NELL1: variants seen among roughly 807,000 people sequenced by gnomAD.
NELL1 encodes the protein neural EGFL like 1.
Under a neutral mutation model 107.4 loss-of-function variants are expected in NELL1, and 76 were observed. That is an observed-to-expected ratio of 0.71 (90% confidence interval 0.59 to 0.86). The LOEUF (loss-of-function observed/expected upper bound fraction) is 0.86. Ranked by LOEUF, NELL1 falls within the 40% of genes least tolerant of loss-of-function variation. The probability of loss-of-function intolerance (pLI) is 0.00; values close to 1 mark genes in which losing one functional copy is unlikely to be tolerated. For synonymous variants in NELL1, 353 were observed against 341.2 expected (o/e 1.03, Z -0.38); for missense variants, 1,024 against 1,005.5 (o/e 1.02, Z -0.25).
chr11:21,377,255 G>A (rs1851502527), intron 15 of NELL1, among the ~76,000 whole-genome samples: 1 of 152,074 alleles, frequency 6.6e-6, no homozygotes, highest in Non-Finnish European at 1.5e-5. Context: ...TCATCATGAA[G>A]AGATATTGGA....
intron 15 of NELL1, among the ~76,000 whole-genome samples, chr11:21,445,161 T>C (rs1224767536): frequency 6.6e-6 from 1 of 152,212 alleles, no homozygotes; most frequent in Non-Finnish European, 1.5e-5. Context: ...TATTATTTTA[T>C]AGGTTCATGT....
intron 16 of NELL1, among the ~76,000 whole-genome samples, chr11:21,546,327 A>C (rs1856441457): frequency 6.6e-6 from 1 of 151,924 alleles, no homozygotes; most frequent in Admixed American, 6.6e-5. Flanking sequence ...GCTCAGTGTG[A>C]GCAATTGTTT....
intron 4 of NELL1, among the ~76,000 whole-genome samples, chr11:20,877,723 C>T (rs1344796193): frequency 1.3e-5 from 2 of 152,180 alleles, no homozygotes; most frequent in South Asian, 4.1e-4. Flanking sequence ...CTTGTCCTCT[C>T]AAGCAGGTTT....
chr11:21,069,037 A>C (rs1853947632), intron 12 of NELL1, among the ~76,000 whole-genome samples: 2 of 152,166 alleles, frequency 1.3e-5, no homozygotes. Flanking sequence ...ACTGCTTTTC[A>C]TTCAGAATTT....
intron 18 of NELL1, among the ~76,000 whole-genome samples, chr11:21,571,658 A>G (rs961812128): frequency 6.6e-6 from 1 of 151,900 alleles, no homozygotes; most frequent in African/African-American, 2.4e-5. Context: ...ATAAATATTA[A>G]TATAGGGCTA....
intron 2 of NELL1, among the ~76,000 whole-genome samples, chr11:20,746,616 G>A (rs1856010624): frequency 6.6e-6 from 1 of 150,468 alleles, no homozygotes; most frequent in African/African-American, 2.5e-5. Flanking sequence ...ACGTGGAATT[G>A]AACATTGCCC....
At position 21,057,243 on chromosome 11, in the gene NELL1, C is replaced by A. The variant is rs193267976; in HGVS notation, c.1301-56346C>A. Among the ~76,000 whole-genome samples the A allele has an allele frequency of 5.3e-4, 81 of 152,092 alleles. 1 individual carries two copies. Among genetic ancestry groups the A allele is most frequent in the African/African-American group, 1.9e-3 (79 of 41,514 alleles). The stretch of plus-strand genomic sequence containing the variant: ...AAAACTGTTAAATTTCTCTGCTAAT[C>A]AAATATATGCAAACTAAAATGATTA... On this transcript the variant is annotated intron_variant, in intron 12 of 19. Transcript: ENST00000357134.
intron 13 of NELL1, among the ~76,000 whole-genome samples, chr11:21,187,858 AC>A (rs1487126373): frequency 6.6e-6 from 1 of 151,942 alleles, no homozygotes; most frequent in Admixed American, 6.5e-5. Flanking sequence ...ACAAAAATAA[AC>A]AAATAAGGAT....
In NELL1 at chr11:21,036,988, C is replaced by T. The variant is rs78340306; in HGVS notation, c.1300+76428C>T. On this transcript the variant is annotated intron_variant, in intron 12 of 19. Transcript: ENST00000357134. ...ACTTTCACTCATAGTGTCTTTTTTTCTTATTCATCTAGTAGTAATTTTGGA... is the reference window on the plus strand; with the variant it reads ...ACTTTCACTCATAGTGTCTTTTTTTTTTATTCATCTAGTAGTAATTTTGGA... Among the ~76,000 whole-genome samples, 39 of 151,296 alleles carry T rather than the reference C, an allele frequency of 2.6e-4. 2 individuals carry two copies. In the South Asian group the frequency reaches 8.1e-3, roughly 32 times the overall value.
Position 21,155,993 on chromosome 11 carries a change from C to T in NELL1, c.1426+42279C>T, listed in dbSNP as rs911495725. Among the ~76,000 whole-genome samples the T allele has an allele frequency of 3.3e-5, 5 of 152,108 alleles. No homozygotes were observed. The South Asian group carries it at 1.0e-3, about 32-fold the overall frequency. Reference sequence around the variant, plus strand: ...GGTCTTGAATAAAACAGGACTTTTTCACCCTAGGAGTCATAATGAAGTAGG... The same window carrying T: ...GGTCTTGAATAAAACAGGACTTTTTTACCCTAGGAGTCATAATGAAGTAGG... On this transcript the variant is annotated intron_variant, in intron 13 of 19. Transcript: ENST00000357134.
chr11:21,163,326 T>C (rs1856413382), intron 13 of NELL1, among the ~76,000 whole-genome samples: 1 of 152,146 alleles, frequency 6.6e-6, no homozygotes, highest in East Asian at 1.9e-4. Context: ...TTGTTGAGAA[T>C]GGGTGGAGCA....
At chr11:20,679,510 A>G (rs1041153063) in intron 2 of NELL1, among the ~76,000 whole-genome samples, 1 of 152,242 alleles carries the variant, frequency 6.6e-6, no homozygotes, top group African/African-American at 2.4e-5. Context: ...AATTATATGT[A>G]ACAAGACTAT....
At chr11:21,177,069 TATCATCTCGCATACGTATCCC>T (rs1455724799) in intron 13 of NELL1, among the ~76,000 whole-genome samples, 1 of 151,882 alleles carries the variant, frequency 6.6e-6, no homozygotes, top group African/African-American at 2.4e-5. Flanking sequence ...TTAACATATC[TATCATCTCGCATACGTATCCC>T]TTCTTTGTGG....
At chr11:20,852,888 A>G (rs953916745) in intron 4 of NELL1, among the ~76,000 whole-genome samples, 2 of 152,230 alleles carry the variant, frequency 1.3e-5, no homozygotes, top group African/African-American at 4.8e-5. Flanking sequence ...AATTTAAGTA[A>G]CAGCACAAGG....
intron 15 of NELL1, among the ~76,000 whole-genome samples, chr11:21,385,408 G>A (rs1851720430): frequency 6.6e-6 from 1 of 151,892 alleles, no homozygotes; most frequent in Admixed American, 6.6e-5. Context: ...AAAAAATATT[G>A]TCGTCAATCA....
intron 13 of NELL1, among the ~76,000 whole-genome samples, chr11:21,179,565 A>C (rs966031389): frequency 6.6e-6 from 1 of 151,912 alleles, no homozygotes; most frequent in Non-Finnish European, 1.5e-5. Flanking sequence ...AATATATAAA[A>C]ACACATTTTA....
intron 2 of NELL1, among the ~76,000 whole-genome samples, chr11:20,725,495 GA>G (rs1855488645): frequency 6.6e-6 from 1 of 152,158 alleles, no homozygotes; most frequent in Admixed American, 6.5e-5. Context: ...ATCACCGTGG[GA>G]ATTGTGTAAG....
intron 12 of NELL1, among the ~76,000 whole-genome samples, chr11:21,073,113 A>G (rs1189094228): frequency 6.6e-6 from 1 of 152,134 alleles, no homozygotes; most frequent in Non-Finnish European, 1.5e-5. Context: ...GTCTTGGAAT[A>G]GAGCCTCTCA....
Position 20,960,485 on chromosome 11 carries a change from AAC to A in NELL1, c.1226_1227del (p.Asn409MetfsTer8). 6.2e-7 allele frequency: 1 copy of A among 1,613,994 alleles called. No homozygotes were observed. Among genetic ancestry groups the A allele is most frequent in the South Asian group, 1.1e-5 (1 of 91,066 alleles). On this transcript the variant is annotated frameshift_variant, in exon 12 of 20. Coordinates refer to ENST00000357134, the MANE Select transcript of NELL1 (RefSeq NM_006157.5). LOFTEE classifies it high-confidence loss of function. ...ATGTGGTGAAAACTCAGAGTGCAAA[AAC>A]TGGAATACAAAAGCTACTTGTGAGT... is the stretch of plus-strand genomic sequence containing the variant. ...PKCGENSECK[N>X]WNTKATCECK...
Sources: allele counts gnomAD v4.1 joint callset (sites outside exome capture counted in the v4.1 genomes callset), GRCh38; gene constraint gnomAD v4.1.1; transcripts MANE v1.5; gene names NCBI Gene and HGNC (gene_info 2026-07-23, HGNC 2026-07-21).